The following TENM4 variants were observed in gnomAD, a reference collection of about 807,000 sequenced individuals.
TENM4 encodes the protein teneurin-4.
TENM4 carries 82 observed loss-of-function variants against 243.3 expected under a neutral mutation model. The ratio of observed to expected loss-of-function variants is 0.34; its 90% CI spans 0.28 to 0.40. The LOEUF (loss-of-function observed/expected upper bound fraction) is 0.40. Among genes scored for constraint, TENM4 ranks in the 10% least tolerant of loss-of-function variants. TENM4 has a pLI of 1.00. For synonymous variants in TENM4, 1,412 were observed against 1,456.3 expected (o/e 0.97, Z 0.69); for missense variants, 3,138 against 3,673.3 (o/e 0.85, Z 3.77).
rs958150888 is a variant in TENM4 at position 78,777,050 on chromosome 11, CA to C, written c.2392+1551del. Among the ~76,000 whole-genome samples, 101 of 149,970 alleles carry C rather than the reference CA, an allele frequency of 6.7e-4. 1 individual carries two copies. The highest frequency in any genetic ancestry group is 2.3e-3 in the African/African-American group (94 of 40,860). ...ATGGGTATCATTATATCTATTCCCT[CA>C]AAAAAAAATCACATGACTCACCTAA... is the stretch of plus-strand genomic sequence containing the variant. On this transcript the variant is annotated intron_variant, in intron 17 of 33. Transcript: ENST00000278550.
chr11:79,169,990 C>A (rs1565233809), intron 3 of TENM4, among the ~76,000 whole-genome samples: 1 of 152,202 alleles, frequency 6.6e-6, no homozygotes, highest in Non-Finnish European at 1.5e-5. Flanking sequence ...GCTTTTCTTT[C>A]TGGTGCCTGG....
chr11:78,967,485 C>T (rs967208628), intron 6 of TENM4, among the ~76,000 whole-genome samples: 3 of 152,058 alleles, frequency 2.0e-5, no homozygotes, highest in Admixed American at 6.6e-5. Context: ...GTGACAAGAC[C>T]GGGGCTGTAC....
intron 1 of TENM4, among the ~76,000 whole-genome samples, chr11:79,384,477 G>A (rs1160221625): frequency 6.6e-6 from 1 of 152,124 alleles, no homozygotes; most frequent in Non-Finnish European, 1.5e-5. Context: ...CAGATTCTGA[G>A]CTCCTGGTCT....
chr11:79,429,991 G>T (rs1402551757), intron 1 of TENM4, among the ~76,000 whole-genome samples: 1 of 152,160 alleles, frequency 6.6e-6, no homozygotes, highest in Admixed American at 6.5e-5. Context: ...AGTTGTAGCT[G>T]ATGACAAATT....
intron 6 of TENM4, among the ~76,000 whole-genome samples, chr11:78,942,259 CAAAAAAAAAAAAAAAAAAAAAA>C (rs56973257): frequency 0.029 from 323 of 11,204 alleles, 1 homozygote; most frequent in South Asian, 0.068. Context: ...CAAAATACAC[CAAAAAAAAAAAAAAAAAAAAAA>C]AAAAAAAAAA....
At chr11:79,103,110 C>A (rs1450328891) in intron 4 of TENM4, among the ~76,000 whole-genome samples, 1 of 152,074 alleles carries the variant, frequency 6.6e-6, no homozygotes, top group Non-Finnish European at 1.5e-5. Flanking sequence ...AATACACTGG[C>A]GGTGCCGCTG....
chr11:79,373,984 G>A (rs1331244311), intron 1 of TENM4, among the ~76,000 whole-genome samples: 2 of 152,194 alleles, frequency 1.3e-5, no homozygotes, highest in African/African-American at 2.4e-5. Flanking sequence ...GCTGGGGCAG[G>A]AAAGCAGGTA....
chr11:79,028,871 T>C (rs572911054), intron 6 of TENM4, among the ~76,000 whole-genome samples: 18 of 152,260 alleles, frequency 1.2e-4, no homozygotes, highest in Non-Finnish European at 2.2e-4. Context: ...TTTAGAAGTA[T>C]TGTTAGTCAT....
At chr11:79,108,603 C>G (rs1861429841) in intron 4 of TENM4, among the ~76,000 whole-genome samples, 1 of 152,032 alleles carries the variant, frequency 6.6e-6, no homozygotes, top group Non-Finnish European at 1.5e-5. Context: ...CCATCTTAAC[C>G]AACTCACCAA....
intron 16 of TENM4, among the ~76,000 whole-genome samples, chr11:78,783,400 G>A (rs1262280650): frequency 6.6e-6 from 1 of 152,214 alleles, no homozygotes; most frequent in Non-Finnish European, 1.5e-5. Flanking sequence ...TGCCATGTAA[G>A]TAACAGTAAA....
intron 4 of TENM4, among the ~76,000 whole-genome samples, chr11:79,129,943 G>A (rs934820978): frequency 1.3e-5 from 2 of 152,110 alleles, no homozygotes; most frequent in African/African-American, 4.8e-5. Flanking sequence ...CCAAAATACA[G>A]CATTAAACTA....
At chr11:79,038,844 A>G (rs1375439026) in intron 6 of TENM4, among the ~76,000 whole-genome samples, 1 of 152,244 alleles carries the variant, frequency 6.6e-6, no homozygotes, top group Non-Finnish European at 1.5e-5. Flanking sequence ...TAGAAGAGAA[A>G]GAGCCAGGGA....
intron 6 of TENM4, among the ~76,000 whole-genome samples, chr11:79,015,320 G>T (rs772755553): frequency 1.3e-5 from 2 of 151,966 alleles, no homozygotes; most frequent in Admixed American, 1.3e-4. Flanking sequence ...AAACACCTTT[G>T]CTGCACTGAG....
chr11:79,312,584 C>T (rs1283890818), intron 1 of TENM4, among the ~76,000 whole-genome samples: 1 of 152,126 alleles, frequency 6.6e-6, no homozygotes, highest in Non-Finnish European at 1.5e-5. Flanking sequence ...CTGCTTGAAT[C>T]CAGACCATGT....
At chr11:79,260,969 A>G (rs148358921) in intron 2 of TENM4, among the ~76,000 whole-genome samples, 1 of 152,204 alleles carries the variant, frequency 6.6e-6, no homozygotes, top group African/African-American at 2.4e-5. Flanking sequence ...AAACAGAGCA[A>G]AAGAAATAGA....
intron 1 of TENM4, among the ~76,000 whole-genome samples, chr11:79,326,893 A>T (rs1856983762): frequency 6.6e-6 from 1 of 152,250 alleles, no homozygotes; most frequent in South Asian, 2.1e-4. Flanking sequence ...TCTATTCACC[A>T]TTATATAAAT....
chr11:78,989,417 T>G (rs994614101), intron 6 of TENM4, among the ~76,000 whole-genome samples: 1 of 152,192 alleles, frequency 6.6e-6, no homozygotes, highest in Non-Finnish European at 1.5e-5. Flanking sequence ...ACTTCTGCTG[T>G]TTACTTTTTG....
intron 23 of TENM4, 137 bp downstream of exon 23, chr11:78,725,941 AT>A (rs1451116710): frequency 1.7e-6 from 2 of 1,178,178 alleles, no homozygotes; most frequent in African/African-American, 3.1e-5. Flanking sequence ...TCTTCAAGCA[AT>A]ATCTGTTGAC....
intron 6 of TENM4, among the ~76,000 whole-genome samples, chr11:78,989,761 A>C (rs146784672): frequency 6.6e-6 from 1 of 152,316 alleles, no homozygotes; most frequent in Non-Finnish European, 1.5e-5. Context: ...GAGTATAAAA[A>C]TGATGGTTTA....
Sources: allele counts gnomAD v4.1 joint callset (sites outside exome capture counted in the v4.1 genomes callset), GRCh38; gene constraint gnomAD v4.1.1; transcripts MANE v1.5; gene names NCBI Gene and HGNC (gene_info 2026-07-23, HGNC 2026-07-21).